BBS12: variants seen among roughly 807,000 people sequenced by gnomAD.
BBS12 encodes Bardet-Biedl syndrome 12.
BBS12 carries 5 observed loss-of-function variants against 5.6 expected under a neutral mutation model. That is an observed-to-expected ratio of 0.89 (90% confidence interval 0.46 to 1.86). The LOEUF is 1.86. BBS12 is among the 40% of genes most tolerant of loss of function. BBS12 has a pLI of 0.01. For synonymous variants in BBS12, 308 were observed against 306.8 expected, an observed-to-expected ratio of 1.00 and a Z score of -0.04; for missense variants, 748 against 830.4, an observed-to-expected ratio of 0.90 and a Z score of 1.22.
chr4:122,706,616 A>G, the BBS12 span, among the ~76,000 whole-genome samples: 1 of 152,086 alleles, frequency 6.6e-6, no homozygotes, highest in Non-Finnish European at 1.5e-5. Context: ...TCTGTTCATG[A>G]TTTCTTTGGG....
At chr4:122,713,065 G>A in the BBS12 span, among the ~76,000 whole-genome samples, 4 of 152,196 alleles carry the variant, frequency 2.6e-5, no homozygotes, top group South Asian at 8.3e-4. Flanking sequence ...CTGGGTGCAC[G>A]CAGTTACCAA....
intron 1 of BBS12, among the ~76,000 whole-genome samples, chr4:122,740,735 C>CTA (rs1452032904): frequency 6.6e-6 from 1 of 152,192 alleles, no homozygotes; most frequent in Non-Finnish European, 1.5e-5. Flanking sequence ...TGGTACTTGT[C>CTA]TAGTCAGTCC....
chr4:122,715,835 T>A, the BBS12 span, among the ~76,000 whole-genome samples: 2 of 152,252 alleles, frequency 1.3e-5, no homozygotes, highest in Non-Finnish European at 2.9e-5. Flanking sequence ...GGACATAATT[T>A]ACTTTGACTT....
In BBS12 at chr4:122,743,722, A is replaced by G. The variant is rs528535207; in HGVS notation, c.1830A>G (p.Ser610=). 11 of 1,614,210 alleles carry G rather than the reference A, an allele frequency of 6.8e-6. 1 individual carries two copies. Among genetic ancestry groups the G allele is most frequent in the African/African-American group, 2.7e-5 (2 of 75,058 alleles). ...TCCTATATAACACTGCCAATTACTC[A>G]TCAGAATTTGAAGCCAGCACATACA... ...STLLYNTANY[S]SEFEASTYIQ... The change falls in exon 2 of 2, where the codon TCA becomes TCG. Residue 610 remains serine (S), a synonymous_variant. Coordinates refer to ENST00000314218, the MANE Select transcript of BBS12 (RefSeq NM_152618.3).
the BBS12 span, among the ~76,000 whole-genome samples, chr4:122,705,432 C>A: frequency 1.6e-4 from 24 of 152,114 alleles, no homozygotes; most frequent in Non-Finnish European, 3.5e-4. Context: ...CACAGCAAAA[C>A]CCTACCTCTA....
the BBS12 span, among the ~76,000 whole-genome samples, chr4:122,724,484 C>T: frequency 6.6e-6 from 1 of 152,176 alleles, no homozygotes; most frequent in African/African-American, 2.4e-5. Context: ...AATTCTCCAA[C>T]CCTTCTTATC....
chr4:122,704,606 C>G, the BBS12 span, among the ~76,000 whole-genome samples: 2 of 152,170 alleles, frequency 1.3e-5, no homozygotes, highest in African/African-American at 2.4e-5. Flanking sequence ...TAAGCTAGTT[C>G]ACCATTTTCT....
At chr4:122,725,618 G>T in the BBS12 span, among the ~76,000 whole-genome samples, 1 of 152,242 alleles carries the variant, frequency 6.6e-6, no homozygotes, top group South Asian at 2.1e-4. Flanking sequence ...TCAACTCAAG[G>T]CCATGTGCAG....
At chr4:122,703,913 A>G in the BBS12 span, among the ~76,000 whole-genome samples, 18 of 152,168 alleles carry the variant, frequency 1.2e-4, no homozygotes, top group Non-Finnish European at 2.4e-4. Context: ...GTGGGGTGCA[A>G]TGATAGCTCA....
the BBS12 span, among the ~76,000 whole-genome samples, chr4:122,716,618 TGC>T: frequency 3.4e-5 from 4 of 118,130 alleles, no homozygotes; most frequent in East Asian, 2.2e-4. Flanking sequence ...TGTGTGTATA[TGC>T]ACATACACAT....
At chr4:122,736,655 G>A (rs927946267) in intron 1 of BBS12, among the ~76,000 whole-genome samples, 2 of 152,144 alleles carry the variant, frequency 1.3e-5, no homozygotes, top group Non-Finnish European at 2.9e-5. Flanking sequence ...TGCATAACAG[G>A]ACATGCATAG....
chr4:122,741,823 A>G, intron 1 of BBS12, 60 bp from the exon 2 acceptor site: 1 of 1,416,476 alleles, frequency 7.1e-7, no homozygotes, highest in South Asian at 1.2e-5. Flanking sequence ...TTATTTCTAT[A>G]TAGCATTTAT....
At position 122,742,318 on chromosome 4, in the gene BBS12, C is replaced by A. The variant is rs1329092496; in HGVS notation, c.426C>A (p.Asp142Glu). 1 of 1,614,062 alleles carries A rather than the reference C, an allele frequency of 6.2e-7. No individual in the cohort carries two copies. The highest frequency in any genetic ancestry group is 8.5e-7 in the Non-Finnish European group (1 of 1,179,992). The change falls in exon 2 of 2, where the codon GAC becomes GAA. Residue 142 changes from aspartate to glutamate, a missense_variant. Transcript: ENST00000314218. ...TTCACAATATATTTGACTGTATGGA[C>A]AGCACAAAAACATTTTCTCAACTTG... Reference protein sequence around the residue: ...VPVHNIFDCMDSTKTFSQLET... With the variant: ...VPVHNIFDCMESTKTFSQLET...
At chr4:122,716,600 TACACACATGTGTGTATATGCAC>T in the BBS12 span, among the ~76,000 whole-genome samples, 199 of 93,844 alleles carry the variant, frequency 2.1e-3, 3 homozygotes, top group African/African-American at 4.5e-3. Flanking sequence ...TATGTATGTA[TACACACATGTGTGTATATGCAC>T]ATACACATAT....
rs144910481 is a variant in BBS12 at position 122,743,294 on chromosome 4, G to C, written c.1402G>C (p.Gly468Arg). 6.2e-7 allele frequency: 1 copy of C among 1,614,192 alleles called. No individual in the cohort carries two copies. The highest frequency in any genetic ancestry group is 8.5e-7 in the Non-Finnish European group (1 of 1,180,028). Residue 468 changes from glycine (G) to arginine (R), a missense_variant, in exon 2 of 2, where the codon GGG (glycine) becomes CGG (arginine). By Grantham distance (125) the Gly-to-Arg change is moderately radical. Transcript: ENST00000314218. ...AGTGAATGAAGATTGTGTGGGCGAC[G>C]GGGTCTGCGTGACCTTCTGGAGAAG... is the stretch of plus-strand genomic sequence containing the variant. ...TQVNEDCVGD[G>R]VCVTFWRSSP...
At chr4:122,719,246 A>G in the BBS12 span, among the ~76,000 whole-genome samples, 1 of 152,150 alleles carries the variant, frequency 6.6e-6, no homozygotes, top group Non-Finnish European at 1.5e-5. Context: ...CTCTGTGTCT[A>G]GCTAAAGGTT....
chr4:122,742,034 G>A lies in BBS12; in HGVS notation c.142G>A (p.Val48Ile). 1.2e-6 allele frequency: 2 copies of A among 1,614,142 alleles called. No individual in the cohort carries two copies. The highest frequency in any genetic ancestry group is 1.1e-5 in the South Asian group (1 of 91,082). ...TATAGATGAAGAATGTCATGAAAGT[G>A]TATTAATCAGTTCAACAGTAAGGCT... ...FIIDEECHES[V>I]LISSTVRLLE... Residue 48 changes from valine to isoleucine, a missense_variant, in exon 2 of 2, where the codon GTA becomes ATA. Transcript: ENST00000314218.
chr4:122,701,861 A>T, the BBS12 span, among the ~76,000 whole-genome samples: 10 of 152,190 alleles, frequency 6.6e-5, no homozygotes, highest in Admixed American at 6.5e-4. Flanking sequence ...AAAATCAGAG[A>T]TCTGCCAGAA....
At chr4:122,716,675 A>G in the BBS12 span, among the ~76,000 whole-genome samples, 4,550 of 73,276 alleles carry the variant, frequency 0.062, 426 homozygotes, top group African/African-American at 0.2. Flanking sequence ...ACATATGTGT[A>G]TATATACACA....
Sources: allele counts gnomAD v4.1 joint callset (sites outside exome capture counted in the v4.1 genomes callset), GRCh38; gene constraint gnomAD v4.1.1; transcripts MANE v1.5; gene names NCBI Gene and HGNC (gene_info 2026-07-23, HGNC 2026-07-21).